Variants in ADGRE3 observed in about 807,000 individuals in gnomAD.
The protein encoded by ADGRE3 is adhesion G protein-coupled receptor E3.
ADGRE3 carries 88 observed loss-of-function variants against 80.1 expected under a neutral mutation model. The observed-to-expected ratio is 1.10, with a 90% CI of 0.93 to 1.31. ADGRE3 has a LOEUF of 1.31. Among genes scored for constraint, ADGRE3 ranks in the 40% most tolerant of loss-of-function variants. The probability of loss-of-function intolerance (pLI) is 0.00; values close to 1 mark genes in which losing one functional copy is unlikely to be tolerated. For missense variants in ADGRE3, 715 were observed against 776.5 expected, an observed-to-expected ratio of 0.92 and a Z score of 0.94; for synonymous variants, 281 against 294.8, an observed-to-expected ratio of 0.95 and a Z score of 0.48.
At position 14,647,174 on chromosome 19, in the gene ADGRE3, G is replaced by C; in HGVS notation, c.882+7C>G. ...ACCCACAAGCTCAAATCATACCTGT[G>C]ACCCACCTTCACGTGCTGGAAAGTC... is the stretch of plus-strand genomic sequence containing the variant. On this transcript the variant is annotated splice_region_variant and intron_variant, in intron 8 of 15. Transcript: ENST00000253673. 6.2e-7 allele frequency: 1 copy of C among 1,612,720 alleles called. No homozygotes were observed. Among genetic ancestry groups the C allele is most frequent in the Non-Finnish European group, 8.5e-7 (1 of 1,179,022 alleles).
rs558339064 is a variant in ADGRE3 at position 14,648,112 on chromosome 19, T to G, written c.698-747A>C. ...CAAAAAAAAAAAAAAAAAAGATGTTTTCCTACAAACAACCCACTTTTTGCA... is the reference window on the plus strand; with the variant it reads ...CAAAAAAAAAAAAAAAAAAGATGTTGTCCTACAAACAACCCACTTTTTGCA... On this transcript the variant is annotated intron_variant, in intron 7 of 15. Transcript: ENST00000253673. Among the ~76,000 whole-genome samples, 34 of 151,496 alleles carry G rather than the reference T, an allele frequency of 2.2e-4. No individual in the cohort carries two copies. The South Asian group carries it at 6.1e-3, about 27-fold the overall frequency.
chr19:14,606,311 C>G, the ADGRE3 span, among the ~76,000 whole-genome samples: 1 of 148,942 alleles, frequency 6.7e-6, no homozygotes, highest in Admixed American at 6.8e-5. Context: ...ACCTTTGGGA[C>G]ATGCAGTGAG....
intron 11 of ADGRE3, among the ~76,000 whole-genome samples, chr19:14,633,770 C>A (rs1599612495): frequency 7.2e-6 from 1 of 138,046 alleles, no homozygotes; most frequent in South Asian, 2.3e-4. Context: ...CAGCTGATGA[C>A]AATAGCTTTT....
the ADGRE3 span, chr19:14,606,893 C>A: frequency 2.2e-6 from 1 of 451,398 alleles, no homozygotes; most frequent in Non-Finnish European, 3.6e-6. Context: ...TGGGAGGTGA[C>A]GTTCCCAAGC....
At position 14,627,856 on chromosome 19, in the gene ADGRE3, C is replaced by T. The variant is rs532540972; in HGVS notation, c.1812+2183G>A. 1.4e-4 allele frequency among the ~76,000 whole-genome samples: 22 copies of T among 152,046 alleles called. No individual in the cohort carries two copies. In the East Asian group the frequency reaches 2.9e-3, roughly 20 times the overall value. ...TAAAAACTGGATGCTAGGCCAGGCA[C>T]GATGGCTCACGCCTGTAATCCCAGC... On this transcript the variant is annotated intron_variant, in intron 14 of 15. Transcript: ENST00000253673.
chr19:14,645,965 C>T (rs1971388178), intron 8 of ADGRE3, among the ~76,000 whole-genome samples: 1 of 151,984 alleles, frequency 6.6e-6, no homozygotes, highest in Non-Finnish European at 1.5e-5. Flanking sequence ...GAATGAGACC[C>T]TTTCTCAAAA....
intron 15 of ADGRE3, among the ~76,000 whole-genome samples, chr19:14,624,417 T>C (rs1970681973): frequency 6.6e-6 from 1 of 152,098 alleles, no homozygotes; most frequent in Non-Finnish European, 1.5e-5. Flanking sequence ...TTATTATTAT[T>C]ATTTTACATT....
At chr19:14,652,935 A>G (rs1971647769) in intron 6 of ADGRE3, among the ~76,000 whole-genome samples, 1 of 152,064 alleles carries the variant, frequency 6.6e-6, no homozygotes, top group African/African-American at 2.4e-5. Context: ...TTCATTTAGT[A>G]CGTTTTAATG....
At chr19:14,618,238 CTT>C (rs962866917), downstream of ADGRE3, among the ~76,000 whole-genome samples, 1 of 151,124 alleles carries the variant, frequency 6.6e-6, no homozygotes, top group Non-Finnish European at 1.5e-5. Flanking sequence ...ACTTTTTTTT[CTT>C]TTTTTTGTGG....
At chr19:14,619,111 C>T (rs915146530), downstream of ADGRE3, 53 of 315,922 alleles carry the variant, frequency 1.7e-4, no homozygotes, top group Non-Finnish European at 2.9e-4. Context: ...AAAAAAAGAG[C>T]AAGTTTAGGA....
intron 15 of ADGRE3, 103 bp from the exon 16 acceptor site, chr19:14,619,574 T>G: frequency 1.1e-6 from 1 of 888,416 alleles, no homozygotes; most frequent in Non-Finnish European, 1.8e-6. Flanking sequence ...AAACCCAGTT[T>G]GAACCAGCAG....
At chr19:14,657,177 C>T (rs112144013) in intron 5 of ADGRE3, among the ~76,000 whole-genome samples, 4,491 of 152,258 alleles carry the variant, frequency 0.029, 209 homozygotes, top group African/African-American at 0.1. Flanking sequence ...AGGCATTAGC[C>T]GCCATGCCCG....
chr19:14,663,457 C>G lies in ADGRE3; in HGVS notation c.160G>C (p.Gly54Arg). 2 of 1,612,740 alleles carry G rather than the reference C, an allele frequency of 1.2e-6. No individual in the cohort carries two copies. The highest frequency in any genetic ancestry group is 8.5e-7 in the Non-Finnish European group (1 of 1,179,120). Reference sequence around the variant, plus strand: ...AAGGGGAATGTGAATAGTTTCTGCCCAGATCCAGAAGTATATCCATGGTTG... The same window carrying G: ...AAGGGGAATGTGAATAGTTTCTGCCGAGATCCAGAAGTATATCCATGGTTG... ...TCNHGYTSGS[G>R]QKLFTFPLET... is the part of the protein sequence containing the mutation. The change falls in exon 3 of 16, where the codon GGG (glycine) becomes CGG (arginine). Residue 54 changes from glycine (G) to arginine (R), a missense_variant. By Grantham distance (125) the Gly-to-Arg change is moderately radical. Transcript: ENST00000253673.
chr19:14,664,727 A>C (rs1972044789), intron 2 of ADGRE3, among the ~76,000 whole-genome samples: 1 of 151,926 alleles, frequency 6.6e-6, no homozygotes, highest in South Asian at 2.1e-4. Context: ...AAGGACAAAA[A>C]AATTTGAATT....
At chr19:14,649,121 G>A (rs1401473299) in intron 7 of ADGRE3, among the ~76,000 whole-genome samples, 5 of 64,624 alleles carry the variant, frequency 7.7e-5, no homozygotes, top group Admixed American at 1.7e-4. Context: ...CCCATCTCTC[G>A]AATTCCGTCT....
At chr19:14,617,344 T>TCCC (rs774654059), downstream of ADGRE3, among the ~76,000 whole-genome samples, 213 of 49,362 alleles carry the variant, frequency 4.3e-3, no homozygotes, top group Middle Eastern at 0.014. Context: ...CTCCCTCCCT[T>TCCC]TCTTTCTTTC....
At chr19:14,607,565 AT>A in the ADGRE3 span, among the ~76,000 whole-genome samples, 1 of 147,404 alleles carries the variant, frequency 6.8e-6, no homozygotes, top group Non-Finnish European at 1.5e-5. Context: ...TTATTTATTT[AT>A]TTATTTATTT....
chr19:14,610,053 C>G, the ADGRE3 span: 1 of 1,609,832 alleles, frequency 6.2e-7, no homozygotes, highest in African/African-American at 1.3e-5. Context: ...CCCACTTTTT[C>G]CTCCATCCAG....
rs571599663 is a variant in ADGRE3 at position 14,638,506 on chromosome 19, T to G, written c.1249-166A>C. Among the ~76,000 whole-genome samples, 7 of 152,138 alleles carry G rather than the reference T, an allele frequency of 4.6e-5. No homozygotes were observed. In the East Asian group the frequency reaches 1.4e-3, roughly 29 times the overall value. On this transcript the variant is annotated intron_variant, in intron 10 of 15. Coordinates refer to ENST00000253673, the MANE Select transcript of ADGRE3 (RefSeq NM_032571.5). The stretch of plus-strand genomic sequence containing the variant: ...GGCTCATGTCTGTAATTTCAGCACT[T>G]TGGGAGGCTGAGGTGGGAGGATTGC...
Sources: gnomAD v4.1 joint callset for allele counts (sites outside exome capture counted in the v4.1 genomes callset) on GRCh38, gnomAD v4.1.1 for gene constraint, MANE v1.5 for transcripts, NCBI Gene and HGNC (gene_info 2026-07-23, HGNC 2026-07-21) for gene names.